The following VPS39 variants were observed in gnomAD, a reference collection of about 807,000 sequenced individuals.
The protein encoded by VPS39 is vam6/Vps39-like protein.
In VPS39, 70 loss-of-function variants were observed where a neutral mutation model predicts 121.0. That is an observed-to-expected ratio of 0.58 (90% CI 0.48 to 0.71). VPS39 has a LOEUF of 0.71. Ranked by LOEUF, VPS39 falls within the 30% of genes least tolerant of loss-of-function variation. The pLI, the probability that VPS39 is intolerant of heterozygous loss-of-function variation, is 0.00. For missense variants in VPS39, 818 were observed against 1,051.5 expected (o/e 0.78, Z 3.07); for synonymous variants, 378 against 398.1 (o/e 0.95, Z 0.60).
intron 4 of VPS39, 37 bp downstream of exon 4, chr15:42,191,088 G>C: frequency 6.2e-7 from 1 of 1,608,592 alleles, no homozygotes; most frequent in Non-Finnish European, 8.5e-7. Flanking sequence ...ATCTTTTCTT[G>C]TTAGACACAG....
At chr15:42,197,999 G>A (rs564181130) in intron 2 of VPS39, among the ~76,000 whole-genome samples, 1 of 152,262 alleles carries the variant, frequency 6.6e-6, no homozygotes, top group East Asian at 1.9e-4. Context: ...TTTCCTAATT[G>A]TCTATATTTA....
chr15:42,162,139 G>A lies in VPS39; in HGVS notation c.2353C>T (p.Gln785Ter). 1 of 1,614,182 alleles carries A rather than the reference G, an allele frequency of 6.2e-7. No individual in the cohort carries two copies. The highest frequency in any genetic ancestry group is 8.5e-7 in the Non-Finnish European group (1 of 1,180,032). Residue 785 changes from glutamine to a stop codon, truncating the protein, a stop_gained, in exon 23 of 25, where the codon CAG becomes TAG. Coordinates refer to ENST00000318006, the MANE Select transcript of VPS39 (RefSeq NM_015289.5). LOFTEE classifies it high-confidence loss of function. Reference protein sequence around the residue: ...KALNLLPANTQINDIRIFLEK... With the variant: ...KALNLLPANT ...AGGAAGATGCGTATGTCATTGATCTGAGTGTTTGCTGGCAGAAGGTTGAGG... is the reference window on the plus strand; with the variant it reads ...AGGAAGATGCGTATGTCATTGATCTAAGTGTTTGCTGGCAGAAGGTTGAGG...
At chr15:42,198,419 T>C (rs543006152) in intron 2 of VPS39, among the ~76,000 whole-genome samples, 20 of 152,302 alleles carry the variant, frequency 1.3e-4, no homozygotes, top group African/African-American at 3.6e-4. Context: ...GGTGTGATCA[T>C]AGCTCACTGC....
intron 10 of VPS39, among the ~76,000 whole-genome samples, chr15:42,174,816 A>C (rs2049415846): frequency 6.6e-6 from 1 of 152,098 alleles, no homozygotes; most frequent in African/African-American, 2.4e-5. Context: ...TCTACTAAAA[A>C]TACAAAAATT....
At chr15:42,161,160 G>A (rs1349543974) in intron 24 of VPS39, 2 of 363,374 alleles carry the variant, frequency 5.5e-6, no homozygotes, top group Non-Finnish European at 1.0e-5. Flanking sequence ...ATCAGAACAG[G>A]TTTCAGGCTA....
rs117972886 is a variant in VPS39, at chr15:42,160,730, C to A, written c.*24G>T. The A allele has an allele frequency of 1.2e-6, 2 of 1,609,508 alleles. No individual in the cohort carries two copies. Among genetic ancestry groups the A allele is most frequent in the Middle Eastern group, 1.6e-4 (1 of 6,066 alleles). On this transcript the variant is annotated 3_prime_UTR_variant, in exon 25 of 25. Coordinates refer to ENST00000318006, the MANE Select transcript of VPS39 (RefSeq NM_015289.5). ...CTCTGGGAGAGCCAAGCTGTCCATC[C>A]GCTGGATCCCCAGGATGCTGGGCTC...
intron 21 of VPS39, among the ~76,000 whole-genome samples, chr15:42,163,073 C>T (rs777733426): frequency 3.9e-5 from 6 of 152,248 alleles, no homozygotes; most frequent in South Asian, 4.1e-4. Context: ...GACGGGTTCC[C>T]GCTCGACAGG....
intron 1 of VPS39, among the ~76,000 whole-genome samples, chr15:42,204,173 T>A (rs898179388): frequency 6.6e-6 from 1 of 152,206 alleles, no homozygotes; most frequent in Non-Finnish European, 1.5e-5. Flanking sequence ...ATAAGTAAGA[T>A]AGTAGTCACT....
intron 12 of VPS39, among the ~76,000 whole-genome samples, chr15:42,169,436 T>A (rs1053367949): frequency 6.6e-6 from 1 of 152,242 alleles, no homozygotes; most frequent in Non-Finnish European, 1.5e-5. Flanking sequence ...AAAAAACTTG[T>A]ATGCTTCTAT....
At chr15:42,190,189 A>G (rs571778771) in intron 4 of VPS39, among the ~76,000 whole-genome samples, 15 of 152,138 alleles carry the variant, frequency 9.9e-5, no homozygotes, top group Non-Finnish European at 2.2e-4. Context: ...AATGGCTTTC[A>G]AAGCTACTCA....
intron 12 of VPS39, 145 bp downstream of exon 12, chr15:42,169,579 A>C: frequency 1.1e-6 from 1 of 894,290 alleles, no homozygotes; most frequent in Non-Finnish European, 1.5e-6. Context: ...AAGTAGCAGA[A>C]AGAAACTTTA....
At chr15:42,165,878 C>T in intron 16 of VPS39, 62 bp from the exon 17 acceptor site, 1 of 1,483,900 alleles carries the variant, frequency 6.7e-7, no homozygotes, top group Non-Finnish European at 9.4e-7. Context: ...AGCAAACACA[C>T]ACGCATGTGA....
chr15:42,191,832 T>A (rs1205393752), intron 2 of VPS39, among the ~76,000 whole-genome samples: 1 of 152,096 alleles, frequency 6.6e-6, no homozygotes, highest in African/African-American at 2.4e-5. Context: ...TACTCGTGAG[T>A]CTGAAGATCT....
At chr15:42,173,913 C>G in intron 10 of VPS39, 61 bp from the exon 11 acceptor site, 1 of 1,589,356 alleles carries the variant, frequency 6.3e-7, no homozygotes, top group Non-Finnish European at 8.6e-7. Flanking sequence ...TCAGTATGTT[C>G]TTGATGTTAG....
At chr15:42,167,317 G>T in intron 13 of VPS39, 77 bp downstream of exon 13, 2 of 1,562,016 alleles carry the variant, frequency 1.3e-6, no homozygotes, top group Admixed American at 1.8e-5. Flanking sequence ...GTCCCTCAGG[G>T]TCTAGCACTC....
intron 1 of VPS39, among the ~76,000 whole-genome samples, chr15:42,202,551 G>A (rs1358578462): frequency 1.3e-5 from 2 of 152,150 alleles, no homozygotes; most frequent in African/African-American, 4.8e-5. Context: ...AAATGAAGTG[G>A]AAATTTTTTA....
intron 12 of VPS39, among the ~76,000 whole-genome samples, chr15:42,168,794 C>CA (rs970465193): frequency 6.6e-6 from 1 of 152,200 alleles, no homozygotes; most frequent in African/African-American, 2.4e-5. Flanking sequence ...TCTTCTGTCT[C>CA]AGCCTCCCAA....
At position 42,208,204 on chromosome 15, in the gene VPS39, C is replaced by G. The variant is rs368265559; in HGVS notation, c.-51G>C. On this transcript the variant is annotated 5_prime_UTR_variant, in exon 1 of 25. Coordinates refer to ENST00000318006, the MANE Select transcript of VPS39 (RefSeq NM_015289.5). ...CCGTCTCGCCCAGAGTGTTCCGGGCCGGGCTGGGGTCCGGAACGAGTCTGG... is the reference window on the plus strand; with the variant it reads ...CCGTCTCGCCCAGAGTGTTCCGGGCGGGGCTGGGGTCCGGAACGAGTCTGG... 2,800 of 1,551,218 alleles carry G rather than the reference C, an allele frequency of 1.8e-3. 1 individual carries two copies. Among genetic ancestry groups the G allele is most frequent in the Non-Finnish European group, 2.3e-3 (2,613 of 1,146,908 alleles).
chr15:42,179,038 T>G (rs769186557), intron 8 of VPS39: 7 of 155,756 alleles, frequency 4.5e-5, no homozygotes, highest in Non-Finnish European at 8.6e-5. Context: ...AAAATTGCTT[T>G]GCTTGAGTTA....
Sources: gnomAD v4.1 joint callset for allele counts (sites outside exome capture counted in the v4.1 genomes callset) on GRCh38, gnomAD v4.1.1 for gene constraint, MANE v1.5 for transcripts, NCBI Gene and HGNC (gene_info 2026-07-23, HGNC 2026-07-21) for gene names.